Variants in GLP2R observed in about 807,000 individuals in gnomAD.
GLP2R encodes the protein glucagon-like peptide 2 receptor.
GLP2R carries 59 observed loss-of-function variants against 68.2 expected under a neutral mutation model. The observed-to-expected ratio is 0.87, with a 90% confidence interval of 0.70 to 1.07. GLP2R has a LOEUF of 1.07. Ranked by LOEUF, GLP2R falls within the 50% of genes least tolerant of loss-of-function variation. GLP2R has a pLI of 0.00. For missense variants in GLP2R, 548 were observed against 677.4 expected, an observed-to-expected ratio of 0.81 and a Z score of 2.12; for synonymous variants, 270 against 265.4, an observed-to-expected ratio of 1.02 and a Z score of -0.17.
intron 10 of GLP2R, among the ~76,000 whole-genome samples, chr17:9,876,623 T>C (rs2067144421): frequency 1.3e-5 from 2 of 152,198 alleles, no homozygotes; most frequent in Admixed American, 1.3e-4. Context: ...AGAAAATCCT[T>C]CCTAGGTTTC....
chr17:9,882,038 T>TAAAA (rs60129746), intron 11 of GLP2R, among the ~76,000 whole-genome samples: 2,377 of 113,486 alleles, frequency 0.021, 80 homozygotes, highest in African/African-American at 0.073. Context: ...ACACATTAAC[T>TAAAA]AAAAAAAAAA....
chr17:9,853,298 G>A (rs541237619), intron 4 of GLP2R: 21 of 262,122 alleles, frequency 8.0e-5, no homozygotes, highest in South Asian at 7.5e-4. Context: ...CATCTCCATC[G>A]AGTCCTCCAT....
At chr17:9,827,918 G>A (rs1052900198) in intron 1 of GLP2R, among the ~76,000 whole-genome samples, 7 of 140,660 alleles carry the variant, frequency 5.0e-5, no homozygotes, top group Admixed American at 4.5e-4. Context: ...CCAAGATCAC[G>A]CCATTGCACT....
rs531572591 is a variant in GLP2R, at chr17:9,831,876, G to A, written c.190-1931G>A. Among the ~76,000 whole-genome samples, 282 of 152,274 alleles carry A rather than the reference G, an allele frequency of 1.9e-3. 1 individual carries two copies. The highest frequency in any genetic ancestry group is 6.4e-3 in the African/African-American group (264 of 41,554). On this transcript the variant is annotated intron_variant, in intron 1 of 12. Coordinates refer to ENST00000262441, the MANE Select transcript of GLP2R (RefSeq NM_004246.3). ...GAACCTGGACAAGGGGAAGGGAGCT[G>A]CTGTGGACGACTCCTGGTTTCAGGT...
chr17:9,873,556 C>CTTTTTTTTTTTTTTTTTTT lies in GLP2R; in HGVS notation c.1145+2726_1145+2744dup, dbSNP rs3073988. On this transcript the variant is annotated intron_variant, in intron 10 of 12. Coordinates refer to ENST00000262441, the MANE Select transcript of GLP2R (RefSeq NM_004246.3). ...GGATATCACAAAAACTATGCATGGA[C>CTTTTTTTTTTTTTTTTTTT]TTTTTTTTTTTTTTTTTTTTTTTAG... Among the ~76,000 whole-genome samples, 23 of 52,060 alleles carry CTTTTTTTTTTTTTTTTTTT rather than the reference C, an allele frequency of 4.4e-4. 4 individuals carry two copies. The highest frequency in any genetic ancestry group is 6.5e-4 in the Non-Finnish European group (19 of 29,448). 34.2% of individuals were successfully genotyped at this position (52,060 alleles called of 152,430 possible).
In GLP2R at chr17:9,826,150, T is replaced by C; in HGVS notation, c.87T>C (p.Pro29=). The C allele has an allele frequency of 6.2e-7, 1 of 1,612,676 alleles. No homozygotes were observed. Among genetic ancestry groups the C allele is most frequent in the Non-Finnish European group, 8.5e-7 (1 of 1,179,274 alleles). ...PGVHELPMGI[P]APWGTSPLSF... is the part of the protein sequence containing the mutation. ...TCCACGAGCTGCCCATGGGCATCCC[T>C]GCCCCCTGGGGGACCAGTCCTCTCT... Residue 29 remains proline (P), a synonymous_variant, in exon 1 of 13, where the codon CCT becomes CCC. Transcript: ENST00000262441.
At chr17:9,872,386 G>C (rs2067103255) in intron 10 of GLP2R, among the ~76,000 whole-genome samples, 1 of 152,142 alleles carries the variant, frequency 6.6e-6, no homozygotes, top group African/African-American at 2.4e-5. Flanking sequence ...AGACTAGCCT[G>C]GCCAACATGG....
intron 1 of GLP2R, among the ~76,000 whole-genome samples, chr17:9,828,651 T>C (rs1488065651): frequency 1.3e-5 from 2 of 152,226 alleles, no homozygotes; most frequent in Admixed American, 6.5e-5. Flanking sequence ...CTGTAGCTCC[T>C]GAGCACTGTA....
At chr17:9,826,314 G>A (rs1174573721) in intron 1 of GLP2R, 62 bp downstream of exon 1, 1 of 1,213,710 alleles carries the variant, frequency 8.2e-7, no homozygotes, top group Non-Finnish European at 1.1e-6. Flanking sequence ...TTTTAAAGAA[G>A]CAATTTAGGC....
In GLP2R at chr17:9,890,184, A is replaced by G; in HGVS notation, c.*479A>G. ...CAGTGAGTCTGGGACCATGGCCAGG[A>G]ATTGGAGCTGTTTAATAAGCATCCC... On this transcript the variant is annotated 3_prime_UTR_variant, in exon 13 of 13. Coordinates refer to ENST00000262441, the MANE Select transcript of GLP2R (RefSeq NM_004246.3). 3 of 390,310 alleles carry G rather than the reference A, an allele frequency of 7.7e-6. No homozygotes were observed. Among genetic ancestry groups the G allele is most frequent in the Non-Finnish European group, 1.5e-5 (3 of 198,618 alleles). 24.2% of individuals were successfully genotyped at this position (390,310 alleles called of 1,614,324 possible).
intron 5 of GLP2R, 71 bp downstream of exon 5, chr17:9,854,672 T>G: frequency 1.1e-6 from 1 of 893,210 alleles, no homozygotes; most frequent in Non-Finnish European, 1.9e-6. Flanking sequence ...GGGGATATGT[T>G]CTAAGAGTTC....
intron 9 of GLP2R, among the ~76,000 whole-genome samples, chr17:9,869,865 C>T (rs1296098250): frequency 6.6e-6 from 1 of 152,156 alleles, no homozygotes; most frequent in African/African-American, 2.4e-5. Context: ...ATCTAGCTCA[C>T]CTCACAAGGG....
Position 9,842,501 on chromosome 17 carries a change from C to G in GLP2R, c.389C>G (p.Ser130Ter). 6.2e-7 allele frequency: 1 copy of G among 1,614,112 alleles called. No homozygotes were observed. Among genetic ancestry groups the G allele is most frequent in the Non-Finnish European group, 8.5e-7 (1 of 1,180,016 alleles). ...GAGCTTTGTTTACTTTCAGAGAGCTCAGGAAGGGCCTACAGACACTGCTTG... is the reference window on the plus strand; with the variant it reads ...GAGCTTTGTTTACTTTCAGAGAGCTGAGGAAGGGCCTACAGACACTGCTTG... ...SYLPWWSEESSGRAYRHCLAQ... is the reference protein window; with the variant it reads ...SYLPWWSEES The change falls in exon 4 of 13, where the codon TCA becomes TGA. Residue 130 changes from serine to a stop codon, truncating the protein, a stop_gained. Transcript: ENST00000262441. LOFTEE classifies it high-confidence loss of function.
intron 5 of GLP2R, among the ~76,000 whole-genome samples, chr17:9,855,140 G>A (rs7208307): frequency 0.014 from 2,147 of 152,254 alleles, 59 homozygotes; most frequent in African/African-American, 0.049. Context: ...GTGGATAATG[G>A]GGGAACTATG....
intron 10 of GLP2R, among the ~76,000 whole-genome samples, chr17:9,876,764 C>T (rs1265419934): frequency 1.3e-5 from 2 of 152,224 alleles, no homozygotes; most frequent in South Asian, 2.1e-4. Flanking sequence ...CGTTCTGAAC[C>T]ACATCAGCAA....
chr17:9,889,652 GA>G lies in GLP2R; in HGVS notation c.1610del (p.Asp537ValfsTer32). ...GSSLSECSEGDVTMANTMEEI... is the reference protein window; with the variant it reads ...GSSLSECSEGXVTMANTMEEI... The stretch of plus-strand genomic sequence containing the variant: ...CAGCCTGTCCGAGTGCAGTGAGGGG[GA>G]TGTCACCATGGCCAACACCATGGAG... On this transcript the variant is annotated frameshift_variant, in exon 13 of 13. Transcript: ENST00000262441. LOFTEE classifies it high-confidence loss of function. The G allele has an allele frequency of 6.2e-7, 1 of 1,608,966 alleles. No homozygotes were observed. Among genetic ancestry groups the G allele is most frequent in the Non-Finnish European group, 8.5e-7 (1 of 1,176,720 alleles).
At chr17:9,837,191 A>T (rs2066740194) in intron 3 of GLP2R, among the ~76,000 whole-genome samples, 1 of 152,144 alleles carries the variant, frequency 6.6e-6, no homozygotes, top group African/African-American at 2.4e-5. Context: ...CAGTTGTGCT[A>T]TCAAAGAGTA....
At chr17:9,835,953 C>T (rs1254187507) in intron 2 of GLP2R, among the ~76,000 whole-genome samples, 3 of 148,266 alleles carry the variant, frequency 2.0e-5, no homozygotes, top group Non-Finnish European at 3.0e-5. Flanking sequence ...GCAGGAGAGT[C>T]GCTTGAGCCT....
intron 1 of GLP2R, among the ~76,000 whole-genome samples, chr17:9,833,200 G>T (rs1413811841): frequency 6.6e-6 from 1 of 151,928 alleles, no homozygotes; most frequent in Admixed American, 6.6e-5. Context: ...GGAGGCAGAG[G>T]TTGCAGTGAG....
Sources: gnomAD v4.1 joint callset for allele counts (sites outside exome capture counted in the v4.1 genomes callset) on GRCh38, gnomAD v4.1.1 for gene constraint, MANE v1.5 for transcripts, NCBI Gene and HGNC (gene_info 2026-07-23, HGNC 2026-07-21) for gene names.